The following NLGN1 variants were observed in gnomAD, a reference collection of about 807,000 sequenced individuals.
NLGN1 encodes neuroligin 1, also known as neuroligin-1.
A neutral mutation model predicts 65.5 loss-of-function variants in NLGN1; 12 were observed. That is an observed-to-expected ratio of 0.18 (90% CI 0.12 to 0.30). The LOEUF is 0.30. Among genes scored for constraint, NLGN1 ranks in the 10% least tolerant of loss-of-function variants. The probability of loss-of-function intolerance (pLI) is 1.00; values close to 1 mark genes in which losing one functional copy is unlikely to be tolerated. For synonymous variants in NLGN1, 350 were observed against 359.5 expected, an observed-to-expected ratio of 0.97 and a Z score of 0.30; for missense variants, 750 against 1,007.1, an observed-to-expected ratio of 0.74 and a Z score of 3.46.
rs16829577 is a variant in NLGN1 at position 173,689,276 on chromosome 3, A to G, written c.493+84185A>G. ...ACCCCCTCTGACTACTTTTGCTTCT[A>G]AGGGTATGAGATTGCTCTTGTCACA... On this transcript the variant is annotated intron_variant, in intron 3 of 6. Transcript: ENST00000457714. Among the ~76,000 whole-genome samples the G allele has an allele frequency of 8.0e-3, 1,213 of 152,246 alleles. 16 individuals are homozygous for G. The highest frequency in any genetic ancestry group is 0.028 in the African/African-American group (1,161 of 41,538).
At chr3:173,630,126 T>C (rs1196416608) in intron 3 of NLGN1, among the ~76,000 whole-genome samples, 2 of 152,080 alleles carry the variant, frequency 1.3e-5, no homozygotes, top group Non-Finnish European at 2.9e-5. Flanking sequence ...AGCCAGTAAG[T>C]GTAATTGGGA....
chr3:173,668,034 A>G (rs1192030803), intron 3 of NLGN1, among the ~76,000 whole-genome samples: 1 of 152,232 alleles, frequency 6.6e-6, no homozygotes, highest in Non-Finnish European at 1.5e-5. Flanking sequence ...ACATTTATTT[A>G]TCTTCAATTG....
chr3:173,786,575 A>G (rs1389840224), intron 3 of NLGN1, among the ~76,000 whole-genome samples: 3 of 152,146 alleles, frequency 2.0e-5, no homozygotes, highest in Non-Finnish European at 4.4e-5. Context: ...CACAAAACCC[A>G]TATACATAAA....
At chr3:174,272,544 C>A (rs1749596613) in intron 4 of NLGN1, among the ~76,000 whole-genome samples, 1 of 151,598 alleles carries the variant, frequency 6.6e-6, no homozygotes, top group South Asian at 2.1e-4. Context: ...TTTGCTTGGT[C>A]AGTTGGCCTT....
At chr3:174,270,993 C>T (rs190549629) in intron 4 of NLGN1, among the ~76,000 whole-genome samples, 100 of 151,926 alleles carry the variant, frequency 6.6e-4, no homozygotes, top group Admixed American at 2.0e-3. Context: ...CTCTTTAATA[C>T]TCAGTATGGT....
At position 174,120,512 on chromosome 3, in the gene NLGN1, A is replaced by T. The variant is rs576217572; in HGVS notation, c.647-154803A>T. Among the ~76,000 whole-genome samples the T allele has an allele frequency of 6.6e-5, 10 of 152,214 alleles. No individual in the cohort carries two copies. The South Asian group carries it at 2.1e-3, about 32-fold the overall frequency. On this transcript the variant is annotated intron_variant, in intron 4 of 6. Coordinates refer to ENST00000457714, the Ensembl canonical transcript of NLGN1. ...ACAGAGCAAGACTCTGTCTCAAAAA[A>T]AAAATAAAAATAAAAAGTACTAATT...
At chr3:174,097,858 C>T (rs1745823876) in intron 4 of NLGN1, among the ~76,000 whole-genome samples, 1 of 152,138 alleles carries the variant, frequency 6.6e-6, no homozygotes, top group African/African-American at 2.4e-5. Context: ...CACCAGTTCA[C>T]CCTAAGAAGG....
intron 3 of NLGN1, among the ~76,000 whole-genome samples, chr3:173,706,613 C>T (rs757468848): frequency 4.6e-5 from 7 of 152,206 alleles, no homozygotes; most frequent in Non-Finnish European, 1.0e-4. Flanking sequence ...TTAAAATCTG[C>T]ACCCTTTGGT....
At chr3:173,705,993 T>C (rs1767989840) in intron 3 of NLGN1, among the ~76,000 whole-genome samples, 1 of 152,158 alleles carries the variant, frequency 6.6e-6, no homozygotes, top group South Asian at 2.1e-4. Flanking sequence ...GGAAGAATTG[T>C]GTGTTATGAG....
chr3:173,785,529 G>T (rs1003070979), intron 3 of NLGN1, among the ~76,000 whole-genome samples: 3 of 152,012 alleles, frequency 2.0e-5, no homozygotes, highest in Non-Finnish European at 4.4e-5. Context: ...GGACCTCAAA[G>T]AATCTAGAAT....
chr3:173,551,469 T>C (rs1376472590), intron 2 of NLGN1, among the ~76,000 whole-genome samples: 1 of 152,200 alleles, frequency 6.6e-6, no homozygotes, highest in Non-Finnish European at 1.5e-5. Flanking sequence ...TTCATGTTTT[T>C]TAAATATTGT....
At chr3:173,736,498 G>A (rs772787565) in intron 3 of NLGN1, among the ~76,000 whole-genome samples, 6 of 151,878 alleles carry the variant, frequency 4.0e-5, no homozygotes, top group Non-Finnish European at 1.5e-5. Context: ...ACATAGAAGG[G>A]GACCAGAACA....
chr3:173,645,774 T>A (rs1221741475), intron 3 of NLGN1, among the ~76,000 whole-genome samples: 1 of 152,358 alleles, frequency 6.6e-6, no homozygotes, highest in Non-Finnish European at 1.5e-5. Flanking sequence ...AGAGGTGTCC[T>A]TCAGCCTTGG....
intron 4 of NLGN1, among the ~76,000 whole-genome samples, chr3:174,168,276 C>T (rs897047456): frequency 6.6e-6 from 1 of 152,110 alleles, no homozygotes; most frequent in Non-Finnish European, 1.5e-5. Context: ...GGTGGTGTCA[C>T]TACATTTAGA....
intron 2 of NLGN1, among the ~76,000 whole-genome samples, chr3:173,590,733 T>C (rs930388680): frequency 1.3e-5 from 2 of 152,176 alleles, no homozygotes; most frequent in African/African-American, 4.8e-5. Context: ...GTTATTTGAA[T>C]TGACAAATAA....
At chr3:174,259,108 T>C (rs1456741595) in intron 4 of NLGN1, among the ~76,000 whole-genome samples, 1 of 152,178 alleles carries the variant, frequency 6.6e-6, no homozygotes, top group Non-Finnish European at 1.5e-5. Flanking sequence ...ATTTATCCTC[T>C]CAAAAAATCT....
intron 4 of NLGN1, among the ~76,000 whole-genome samples, chr3:173,829,530 A>C (rs1722041137): frequency 6.8e-6 from 1 of 147,794 alleles, no homozygotes; most frequent in South Asian, 2.2e-4. Flanking sequence ...TTCATAATTA[A>C]AATTTCATGT....
chr3:174,077,333 G>A lies in NLGN1; in HGVS notation c.647-197982G>A, dbSNP rs542578368. ...AGATACCCTGACTAATTTTACAGGA[G>A]TTTAATGCACTACTAGAACATTGAA... On this transcript the variant is annotated intron_variant, in intron 4 of 6. Transcript: ENST00000457714. Among the ~76,000 whole-genome samples the A allele has an allele frequency of 5.9e-4, 90 of 152,226 alleles. 1 individual carries two copies. The South Asian group carries it at 0.018, about 31-fold the overall frequency.
chr3:173,704,995 G>A (rs1442812284), intron 3 of NLGN1, among the ~76,000 whole-genome samples: 1 of 152,086 alleles, frequency 6.6e-6, no homozygotes, highest in Non-Finnish European at 1.5e-5. Flanking sequence ...TTTCTTTAGT[G>A]GAAAATTACT....
Sources: allele counts gnomAD v4.1 joint callset (sites outside exome capture counted in the v4.1 genomes callset), GRCh38; gene constraint gnomAD v4.1.1; transcripts MANE v1.5; gene names NCBI Gene and HGNC (gene_info 2026-07-23, HGNC 2026-07-21).